The following PLIN3 variants were observed in gnomAD, a reference collection of about 807,000 sequenced individuals.
PLIN3 encodes perilipin-3.
A neutral mutation model predicts 35.9 loss-of-function variants in PLIN3; 30 were observed. The observed-to-expected ratio is 0.84, with a 90% CI of 0.62 to 1.13. The LOEUF is 1.13. Ranked by LOEUF, PLIN3 falls within the 50% of genes most tolerant of loss-of-function variation. PLIN3 has a pLI of 0.00. For missense variants in PLIN3, 603 were observed against 596.9 expected, an observed-to-expected ratio of 1.01 and a Z score of -0.11; for synonymous variants, 261 against 262.5, an observed-to-expected ratio of 0.99 and a Z score of 0.06.
chr19:4,840,208 G>A (rs543911137), intron 7 of PLIN3, among the ~76,000 whole-genome samples: 51 of 151,826 alleles, frequency 3.4e-4, no homozygotes, highest in Admixed American at 5.3e-4. Context: ...TCAAGTGATC[G>A]GCCCTCCTTG....
At chr19:4,867,376 C>G (rs2030894134) in intron 1 of PLIN3, among the ~76,000 whole-genome samples, 1 of 152,208 alleles carries the variant, frequency 6.6e-6, no homozygotes, top group South Asian at 2.1e-4. Flanking sequence ...TCTTTCGCCC[C>G]TCAAAAGTCC....
chr19:4,842,211 G>A (rs2146195619), intron 7 of PLIN3, among the ~76,000 whole-genome samples: 1 of 152,048 alleles, frequency 6.6e-6, no homozygotes, highest in African/African-American at 2.4e-5. Context: ...TGGATAACTT[G>A]AGGTTAGGAG....
Position 4,860,044 on chromosome 19 carries a change from CA to C in PLIN3, c.67-21del. 3.1e-6 allele frequency: 5 copies of C among 1,612,200 alleles called. No homozygotes were observed. The highest frequency in any genetic ancestry group is 4.2e-6 in the Non-Finnish European group (5 of 1,178,704). ...ACTGGGCTACAGGAGAGAAGTGGCT[CA>C]GGCAAACTGGGTGGGGGAAGATGGG... is the stretch of plus-strand genomic sequence containing the variant. On this transcript the variant is annotated intron_variant, in intron 2 of 7. Coordinates refer to ENST00000221957, the MANE Select transcript of PLIN3 (RefSeq NM_005817.5).
chr19:4,851,989 C>T (rs1450114747), intron 5 of PLIN3, 27 bp downstream of exon 5: 2 of 1,600,456 alleles, frequency 1.2e-6, no homozygotes, highest in African/African-American at 1.3e-5. Context: ...GGGAGGGGTC[C>T]CAGAGCAGCC....
rs912854737 is a variant in PLIN3 at position 4,846,888 on chromosome 19, A to ATT, written c.834+801_834+802dup. On this transcript the variant is annotated intron_variant, in intron 6 of 7. Coordinates refer to ENST00000221957, the MANE Select transcript of PLIN3 (RefSeq NM_005817.5). ...TGTTTACATTTCCCAGACAGTACGA[A>ATT]TTTTTTTTTTTTTTTTTTGAGATGG... 6.5e-3 allele frequency among the ~76,000 whole-genome samples: 898 copies of ATT among 138,228 alleles called. 6 individuals are homozygous for ATT. The highest frequency in any genetic ancestry group is 0.026 in the Admixed American group (342 of 13,386). The allele number at this position is 138,228 out of a possible 152,430, so 90.7% of individuals were successfully genotyped here. A position where few individuals can be genotyped will look rare whatever the true frequency, so the allele number is the denominator to read the frequency against.
In PLIN3 at chr19:4,839,234, A is replaced by G; in HGVS notation, c.1263T>C (p.Phe421=). ...NTPVTWLVGP[F]APGITEKAPE... is the part of the protein sequence containing the mutation. ...GGGCTTTCTCAGTGATTCCAGGGGC[A>G]AAGGGTCCCACGAGCCACGTGACAG... The change falls in exon 8 of 8, where the codon TTT becomes TTC. Residue 421 remains phenylalanine, a synonymous_variant. Transcript: ENST00000221957. The G allele has an allele frequency of 6.2e-7, 1 of 1,610,718 alleles. No individual in the cohort carries two copies. The highest frequency in any genetic ancestry group is 8.5e-7 in the Non-Finnish European group (1 of 1,177,370).
At position 4,844,759 on chromosome 19, in the gene PLIN3, A is replaced by C. The variant is rs373776545; in HGVS notation, c.869T>G (p.Leu290Arg). 1.9e-6 allele frequency: 3 copies of C among 1,603,134 alleles called. No homozygotes were observed. The highest frequency in any genetic ancestry group is 1.7e-5 in the Admixed American group (1 of 58,006). ...ETVKQGVDQK[L>R]VEGQEKLHQM... ...GTGCAGCTTCTCCTGGCCTTCCACC[A>C]GCTTCTGATCAACGCCTTGCTTGAC... Residue 290 changes from leucine to arginine, a missense_variant, in exon 7 of 8, where the codon CTG (leucine) becomes CGG (arginine). Transcript: ENST00000221957.
At chr19:4,858,045 C>T (rs966981904) in intron 4 of PLIN3, among the ~76,000 whole-genome samples, 1 of 151,134 alleles carries the variant, frequency 6.6e-6, no homozygotes, top group Non-Finnish European at 1.5e-5. Context: ...GAGGCCGAGG[C>T]GGGAGGATCA....
At chr19:4,839,561 A>G (rs1466592916) in intron 7 of PLIN3, 25 bp from the exon 8 acceptor site, 3 of 1,474,146 alleles carry the variant, frequency 2.0e-6, no homozygotes, top group East Asian at 2.3e-5. Flanking sequence ...GGGGACACCA[A>G]TCAGGACCAT....
chr19:4,859,330 C>G (rs529785178), intron 4 of PLIN3, among the ~76,000 whole-genome samples: 3 of 152,134 alleles, frequency 2.0e-5, no homozygotes, highest in South Asian at 4.2e-4. Context: ...GAGACCAGCC[C>G]GGCCAACATG....
At position 4,839,544 on chromosome 19, in the gene PLIN3, G is replaced by T; in HGVS notation, c.961-8C>A. On this transcript the variant is annotated splice_polypyrimidine_tract_variant and splice_region_variant and intron_variant, in intron 7 of 7. Transcript: ENST00000221957. ...CGCCCGGGACTCGACCTGCTGAGAA[G>T]GGAGATGGGGACACCAATCAGGACC... is the stretch of plus-strand genomic sequence containing the variant. 6.6e-7 allele frequency: 1 copy of T among 1,506,468 alleles called. No homozygotes were observed. Among genetic ancestry groups the T allele is most frequent in the Admixed American group, 2.3e-5 (1 of 44,214 alleles). The allele number at this position is 1,506,468 out of a possible 1,614,324, so 93.3% of individuals were successfully genotyped here. A position where few individuals can be genotyped will look rare whatever the true frequency, so the allele number is the denominator to read the frequency against.
chr19:4,858,061 T>C (rs367623375), intron 4 of PLIN3, among the ~76,000 whole-genome samples: 28 of 150,436 alleles, frequency 1.9e-4, no homozygotes, highest in African/African-American at 6.6e-4. Flanking sequence ...GATCACGAGG[T>C]CAAGAGATTG....
intron 4 of PLIN3, among the ~76,000 whole-genome samples, chr19:4,858,432 T>C (rs1379880300): frequency 2.6e-5 from 4 of 151,180 alleles, no homozygotes; most frequent in Non-Finnish European, 5.9e-5. Context: ...GGCTGGAGTG[T>C]AGTGGCGCGA....
rs766600024 is a variant in PLIN3 at position 4,847,707 on chromosome 19, G to A, written c.818C>T (p.Ser273Leu). Residue 273 changes from serine to leucine, a missense_variant, in exon 6 of 8, where the codon TCG (serine) becomes TTG (leucine). Coordinates refer to ENST00000221957, the MANE Select transcript of PLIN3 (RefSeq NM_005817.5). ...GAACCTCACCAGGCTTAGGACCTGC[G>A]ACAGCTGCAGCAGAGCCTCCTGTGC... ...QRAQEALLQL[S>L]QVLSLMETVK... 3.1e-5 allele frequency: 50 copies of A among 1,604,614 alleles called. No individual in the cohort carries two copies. Among genetic ancestry groups the A allele is most frequent in the Middle Eastern group, 1.8e-4 (1 of 5,460 alleles).
intron 5 of PLIN3, among the ~76,000 whole-genome samples, chr19:4,849,014 G>C (rs1292020229): frequency 6.6e-6 from 1 of 151,964 alleles, no homozygotes; most frequent in Non-Finnish European, 1.5e-5. Context: ...GCCCAGGCTG[G>C]AGTACAGTGG....
chr19:4,844,617 G>C (rs772761063), intron 7 of PLIN3, 51 bp downstream of exon 7: 1 of 1,546,758 alleles, frequency 6.5e-7, no homozygotes, highest in Non-Finnish European at 8.7e-7. Flanking sequence ...GTAGAGAGTG[G>C]CATCGGGACT....
intron 7 of PLIN3, among the ~76,000 whole-genome samples, chr19:4,844,152 G>A (rs372912221): frequency 1.3e-5 from 2 of 151,992 alleles, no homozygotes; most frequent in South Asian, 2.1e-4. Context: ...GGAGGGGGCC[G>A]GAGAATACTA....
chr19:4,855,046 T>C (rs1362314245), intron 4 of PLIN3, among the ~76,000 whole-genome samples: 2 of 151,190 alleles, frequency 1.3e-5, no homozygotes, highest in East Asian at 3.9e-4. Context: ...GGTCAGGAGT[T>C]CGAGACCAGC....
chr19:4,855,759 C>CA (rs2030453864), intron 4 of PLIN3, among the ~76,000 whole-genome samples: 1 of 151,802 alleles, frequency 6.6e-6, no homozygotes, highest in Non-Finnish European at 1.5e-5. Context: ...CCCATTCCTA[C>CA]AAAAAATTAA....
Sources: allele counts gnomAD v4.1 joint callset (sites outside exome capture counted in the v4.1 genomes callset), GRCh38; gene constraint gnomAD v4.1.1; transcripts MANE v1.5; gene names NCBI Gene and HGNC (gene_info 2026-07-23, HGNC 2026-07-21).